DLG2: variants seen among roughly 807,000 people sequenced by gnomAD.
DLG2 encodes the protein discs large MAGUK scaffold protein 2.
Under a neutral mutation model 132.5 loss-of-function variants are expected in DLG2, and 45 were observed. That is an observed-to-expected ratio of 0.34 (90% confidence interval 0.27 to 0.44). The LOEUF (loss-of-function observed/expected upper bound fraction) is 0.44, where lower values mean the gene tolerates loss of function less well. Ranked by LOEUF, DLG2 falls within the 20% of genes least tolerant of loss-of-function variation. The pLI is 1.00. For missense variants in DLG2, 1,045 were observed against 1,196.9 expected (o/e 0.87, Z 1.87); for synonymous variants, 424 against 419.6 (o/e 1.01, Z -0.13).
At chr11:85,210,551 T>C (rs1405848069) in intron 4 of DLG2, among the ~76,000 whole-genome samples, 2 of 152,110 alleles carry the variant, frequency 1.3e-5, no homozygotes, top group Non-Finnish European at 2.9e-5. Context: ...TTTTTTTTCC[T>C]TTATAACCGT....
At chr11:84,726,284 G>T (rs899188584) in intron 6 of DLG2, among the ~76,000 whole-genome samples, 2 of 151,956 alleles carry the variant, frequency 1.3e-5, no homozygotes, top group Admixed American at 6.6e-5. Flanking sequence ...CCCCAGGCAG[G>T]CCCTGGTGTG....
At chr11:83,642,948 G>T (rs1201757532) in intron 18 of DLG2, among the ~76,000 whole-genome samples, 1 of 151,998 alleles carries the variant, frequency 6.6e-6, no homozygotes, top group Non-Finnish European at 1.5e-5. Flanking sequence ...CCATTGTTAG[G>T]AATAGACTAG....
chr11:84,374,929 A>C (rs2154431144), intron 7 of DLG2, among the ~76,000 whole-genome samples: 1 of 152,214 alleles, frequency 6.6e-6, no homozygotes, highest in Non-Finnish European at 1.5e-5. Context: ...CTGTGTATTA[A>C]CCCCTAAATA....
At chr11:83,904,558 C>A (rs998915727) in intron 15 of DLG2, among the ~76,000 whole-genome samples, 1 of 152,140 alleles carries the variant, frequency 6.6e-6, no homozygotes, top group Non-Finnish European at 1.5e-5. Flanking sequence ...CTAGCAGAAG[C>A]ACTGACTGTC....
intron 6 of DLG2, among the ~76,000 whole-genome samples, chr11:84,869,127 A>C (rs1213720255): frequency 6.6e-6 from 1 of 152,232 alleles, no homozygotes; most frequent in Non-Finnish European, 1.5e-5. Context: ...ATTTCTCTGC[A>C]TCTGGCTTAT....
At chr11:84,858,490 C>A (rs970316500) in intron 6 of DLG2, among the ~76,000 whole-genome samples, 3 of 152,042 alleles carry the variant, frequency 2.0e-5, no homozygotes, top group African/African-American at 7.2e-5. Flanking sequence ...GAGGACCTTA[C>A]CAGAGCTCTC....
intron 6 of DLG2, among the ~76,000 whole-genome samples, chr11:84,805,639 A>T (rs1463771198): frequency 6.6e-6 from 1 of 152,152 alleles, no homozygotes; most frequent in Admixed American, 6.5e-5. Context: ...CTCCTGCTCC[A>T]GCAATATGAA....
chr11:84,875,870 G>A (rs185706774), intron 6 of DLG2, among the ~76,000 whole-genome samples: 30 of 152,026 alleles, frequency 2.0e-4, no homozygotes, highest in Non-Finnish European at 4.0e-4. Context: ...CCTGAGTAAC[G>A]AGGATTACAG....
chr11:85,271,988 TGA>T (rs2077561842), intron 4 of DLG2, among the ~76,000 whole-genome samples: 1 of 152,186 alleles, frequency 6.6e-6, no homozygotes, highest in African/African-American at 2.4e-5. Flanking sequence ...ACATGAAATT[TGA>T]GAGGGGCCAG....
At chr11:85,021,456 A>G in intron 6 of DLG2, 1 of 1,417,640 alleles carries the variant, frequency 7.1e-7, no homozygotes, top group Non-Finnish European at 1.0e-6. Flanking sequence ...CTCCTGCTAC[A>G]GCAGCCCGGG....
chr11:85,242,653 A>G (rs1342362999), intron 4 of DLG2, among the ~76,000 whole-genome samples: 2 of 151,186 alleles, frequency 1.3e-5, no homozygotes, highest in African/African-American at 4.9e-5. Flanking sequence ...CCCATCTGTT[A>G]TGTTCTTTAT....
chr11:84,060,693 G>A (rs2096577880), intron 10 of DLG2, among the ~76,000 whole-genome samples: 1 of 151,932 alleles, frequency 6.6e-6, no homozygotes, highest in Admixed American at 6.6e-5. Flanking sequence ...AAGAGCACGG[G>A]GCTTGAGATT....
At chr11:85,102,273 T>C (rs1391997522) in intron 6 of DLG2, among the ~76,000 whole-genome samples, 1 of 152,066 alleles carries the variant, frequency 6.6e-6, no homozygotes, top group East Asian at 1.9e-4. Flanking sequence ...TTATTTTACT[T>C]CTCTGAGTTT....
intron 3 of DLG2, among the ~76,000 whole-genome samples, chr11:85,548,656 G>C (rs954046614): frequency 6.6e-6 from 1 of 152,200 alleles, no homozygotes; most frequent in African/African-American, 2.4e-5. Flanking sequence ...CCCTGACTGG[G>C]GCTGTGCCTG....
chr11:83,493,377 TTCCTTCCTTCCTTC>T (rs2093976995), intron 21 of DLG2, among the ~76,000 whole-genome samples: 1 of 149,034 alleles, frequency 6.7e-6, no homozygotes, highest in African/African-American at 2.5e-5. Context: ...CCTTCCTTCC[TTCCTTCCTTCCTTC>T]CTTTCTCTCT....
intron 19 of DLG2, among the ~76,000 whole-genome samples, chr11:83,626,987 TGG>T (rs142800508): frequency 0.18 from 27,892 of 151,808 alleles, 2,693 homozygotes; most frequent in Non-Finnish European, 0.2. Context: ...AGGCAAGCAA[TGG>T]GATGAGAGAG....
At chr11:84,114,246 G>T (rs901230282) in intron 9 of DLG2, among the ~76,000 whole-genome samples, 1 of 152,088 alleles carries the variant, frequency 6.6e-6, no homozygotes, top group East Asian at 1.9e-4. Context: ...AATTTTAAGT[G>T]TAAAAAGGAT....
At position 83,993,696 on chromosome 11, in the gene DLG2, T is replaced by TTA. The variant is rs1451691193; in HGVS notation, c.920-13056_920-13055dup. Among the ~76,000 whole-genome samples, 5 of 152,246 alleles carry TTA rather than the reference T, an allele frequency of 3.3e-5. No homozygotes were observed. In the South Asian group the frequency reaches 1.0e-3, roughly 32 times the overall value. ...CTTCCATCATTAAAATATAACCAAA[T>TTA]TATAGGCACTGCCTCTAGCTATCAA... On this transcript the variant is annotated intron_variant, in intron 11 of 27. Transcript: ENST00000376104.
At chr11:84,983,645 T>C (rs939445028) in intron 6 of DLG2, among the ~76,000 whole-genome samples, 9 of 152,146 alleles carry the variant, frequency 5.9e-5, no homozygotes, top group East Asian at 1.9e-4. Flanking sequence ...ATACCAAGAA[T>C]TGCTGATTTT....
Sources: allele counts gnomAD v4.1 joint callset (sites outside exome capture counted in the v4.1 genomes callset), GRCh38; gene constraint gnomAD v4.1.1; transcripts MANE v1.5; gene names NCBI Gene and HGNC (gene_info 2026-07-23, HGNC 2026-07-21).